CFAP61: variants seen among roughly 807,000 people sequenced by gnomAD.
CFAP61 encodes the protein cilia and flagella associated protein 61.
CFAP61 carries 107 observed loss-of-function variants against 135.6 expected under a neutral mutation model. The observed-to-expected ratio is 0.79, with a 90% CI of 0.67 to 0.93. The LOEUF (loss-of-function observed/expected upper bound fraction) is 0.93. Ranked by LOEUF, CFAP61 falls within the 40% of genes least tolerant of loss-of-function variation. CFAP61 has a pLI of 0.00. For synonymous variants in CFAP61, 575 were observed against 578.5 expected (o/e 0.99, Z 0.09); for missense variants, 1,507 against 1,556.2 (o/e 0.97, Z 0.53).
At chr20:20,188,914 G>C (rs1216017473) in intron 14 of CFAP61, among the ~76,000 whole-genome samples, 4 of 152,180 alleles carry the variant, frequency 2.6e-5, no homozygotes, top group Non-Finnish European at 5.9e-5. Context: ...TCTAAGATCA[G>C]AGATTGGCTA....
At chr20:20,309,607 C>G (rs1379525549) in intron 25 of CFAP61, among the ~76,000 whole-genome samples, 5 of 152,158 alleles carry the variant, frequency 3.3e-5, no homozygotes, top group Non-Finnish European at 5.9e-5. Flanking sequence ...TTCCTTCATA[C>G]AGGACAAATA....
At chr20:20,107,131 T>TTTTTG (rs1411180621) in intron 8 of CFAP61, among the ~76,000 whole-genome samples, 2 of 152,208 alleles carry the variant, frequency 1.3e-5, no homozygotes, top group Non-Finnish European at 2.9e-5. Context: ...GTGAGTTCTG[T>TTTTTG]TTACAAAGAG....
At chr20:20,281,616 C>T (rs1259065734) in intron 22 of CFAP61, among the ~76,000 whole-genome samples, 1 of 152,076 alleles carries the variant, frequency 6.6e-6, no homozygotes, top group Non-Finnish European at 1.5e-5. Flanking sequence ...GGTCATAATG[C>T]GTTATCTTTC....
At chr20:20,323,195 G>T (rs906311634) in intron 25 of CFAP61, 2 of 985,282 alleles carry the variant, frequency 2.0e-6, no homozygotes, top group African/African-American at 3.5e-5. Flanking sequence ...AGGGCCCCAT[G>T]GAATAAACGG....
At chr20:20,155,661 C>G (rs980879666) in intron 9 of CFAP61, among the ~76,000 whole-genome samples, 1 of 151,936 alleles carries the variant, frequency 6.6e-6, no homozygotes, top group South Asian at 2.1e-4. Flanking sequence ...AACAAACATA[C>G]GAAAAAATGC....
intron 15 of CFAP61, among the ~76,000 whole-genome samples, chr20:20,194,809 T>TG (rs749429486): frequency 1.3e-5 from 2 of 152,202 alleles, no homozygotes; most frequent in Non-Finnish European, 2.9e-5. Context: ...TTTCACCTAG[T>TG]GGTAGGGTTT....
rs183465835 is a variant in CFAP61, at chr20:20,342,201, T to C, written c.3513+280T>C. Among the ~76,000 whole-genome samples the C allele has an allele frequency of 2.0e-5, 3 of 152,344 alleles. No individual in the cohort carries two copies. In the East Asian group the frequency reaches 5.8e-4, roughly 29 times the overall value. On this transcript the variant is annotated intron_variant, in intron 26 of 26. Transcript: ENST00000245957. ...CTCAGAGTGCTGGCAGAAAACTGAA[T>C]CTGAGTTGCATCTACTTGCCCTCAA...
Position 20,056,667 on chromosome 20 carries a change from C to T in CFAP61, c.14C>T (p.Thr5Ile). MSVL[T>I]SPRGKVEVVH... ...ACAGGATAAAAAATGTCAGTACTCA[C>T]TTCTCCAAGAGGAAAGGTAGAAGTT... Residue 5 changes from threonine (T) to isoleucine (I), a missense_variant, in exon 2 of 27, where the codon ACT becomes ATT. Thr to Ile is a moderately conservative substitution (Grantham distance 89). Transcript: ENST00000245957. The T allele has an allele frequency of 6.2e-7, 1 of 1,614,146 alleles. No individual in the cohort carries two copies. Among genetic ancestry groups the T allele is most frequent in the Non-Finnish European group, 8.5e-7 (1 of 1,179,986 alleles).
chr20:20,251,986 G>C (rs2050957070), intron 20 of CFAP61, among the ~76,000 whole-genome samples: 2 of 152,160 alleles, frequency 1.3e-5, no homozygotes. Context: ...TTCTGCTCGA[G>C]GATAAAAATC....
chr20:20,109,909 C>CTT (rs1231325875), intron 8 of CFAP61, among the ~76,000 whole-genome samples: 2 of 143,348 alleles, frequency 1.4e-5, no homozygotes, highest in Admixed American at 7.0e-5. Context: ...CTGATTCATT[C>CTT]TTTTTTTTTT....
In CFAP61 at chr20:20,320,485, AATATATGTAATATATATT is replaced by A. The variant is rs2057440092; in HGVS notation, c.3423-21329_3423-21312del. ...GTAATATATAATATATGTAATATAT[AATATATGTAATATATATT>A]ATATATGTAATATATAATATATATT... is the stretch of plus-strand genomic sequence containing the variant. On this transcript the variant is annotated intron_variant, in intron 25 of 26. Coordinates refer to ENST00000245957, the MANE Select transcript of CFAP61 (RefSeq NM_015585.4). Among the ~76,000 whole-genome samples, 7 of 57,892 alleles carry A rather than the reference AATATATGTAATATATATT, an allele frequency of 1.2e-4. 3 individuals carry two copies. The highest frequency in any genetic ancestry group is 2.2e-4 in the Non-Finnish European group (7 of 32,472). 38.0% of individuals were successfully genotyped at this position (57,892 alleles called of 152,430 possible).
chr20:20,270,908 G>A (rs2053291898), intron 21 of CFAP61, among the ~76,000 whole-genome samples: 1 of 152,214 alleles, frequency 6.6e-6, no homozygotes, highest in South Asian at 2.1e-4. Context: ...CTGACCTCAA[G>A]TGATCTGCCA....
chr20:20,279,432 CTA>C (rs1230994706), intron 22 of CFAP61, among the ~76,000 whole-genome samples: 2 of 151,974 alleles, frequency 1.3e-5, no homozygotes, highest in Non-Finnish European at 2.9e-5. Context: ...ATAAAGTAAA[CTA>C]GAGAAAAGAA....
chr20:20,083,200 A>T (rs1027211784), intron 6 of CFAP61, among the ~76,000 whole-genome samples: 2 of 152,182 alleles, frequency 1.3e-5, no homozygotes, highest in East Asian at 1.9e-4. Flanking sequence ...TGCACCTTGG[A>T]TGAAGCTGGA....
intron 8 of CFAP61, among the ~76,000 whole-genome samples, chr20:20,103,476 G>A (rs1396065512): frequency 6.6e-6 from 1 of 152,006 alleles, no homozygotes; most frequent in Non-Finnish European, 1.5e-5. Context: ...ATTTAATGGA[G>A]GACCTAGTGT....
chr20:20,117,770 A>G (rs372611656), intron 8 of CFAP61, among the ~76,000 whole-genome samples: 6 of 151,848 alleles, frequency 4.0e-5, no homozygotes, highest in African/African-American at 1.4e-4. Context: ...TTTTTTTATC[A>G]GTGTGTTTTA....
chr20:20,156,027 A>G (rs1052701726), intron 9 of CFAP61, among the ~76,000 whole-genome samples: 1 of 152,142 alleles, frequency 6.6e-6, no homozygotes, highest in Non-Finnish European at 1.5e-5. Flanking sequence ...ACTAAATGCC[A>G]TCAACATAGA....
intron 8 of CFAP61, among the ~76,000 whole-genome samples, chr20:20,138,902 G>A (rs1417741324): frequency 6.6e-6 from 1 of 152,078 alleles, no homozygotes; most frequent in Non-Finnish European, 1.5e-5. Flanking sequence ...CCTTCATTCT[G>A]TTCTATTCTT....
intron 14 of CFAP61, among the ~76,000 whole-genome samples, chr20:20,190,210 T>C (rs2055821648): frequency 1.3e-5 from 2 of 152,232 alleles, no homozygotes; most frequent in African/African-American, 4.8e-5. Context: ...TCAGCAAAGA[T>C]ATCCTTCAAC....
Sources: gnomAD v4.1 joint callset for allele counts (sites outside exome capture counted in the v4.1 genomes callset) on GRCh38, gnomAD v4.1.1 for gene constraint, MANE v1.5 for transcripts, NCBI Gene and HGNC (gene_info 2026-07-23, HGNC 2026-07-21) for gene names.